GOPC: variants seen among roughly 807,000 people sequenced by gnomAD.
GOPC encodes the protein Golgi-associated PDZ and coiled-coil motif-containing protein.
Under a neutral mutation model 51.2 loss-of-function variants are expected in GOPC, and 32 were observed. The ratio of observed to expected loss-of-function variants is 0.63; its 90% CI spans 0.47 to 0.84. The LOEUF is 0.84. Among genes scored for constraint, GOPC ranks in the 40% least tolerant of loss-of-function variants. The probability of loss-of-function intolerance (pLI) is 0.00; values close to 1 mark genes in which losing one functional copy is unlikely to be tolerated. For missense variants in GOPC, 441 were observed against 555.5 expected, an observed-to-expected ratio of 0.79 and a Z score of 2.07; for synonymous variants, 190 against 205.1, an observed-to-expected ratio of 0.93 and a Z score of 0.63.
intron 1 of GOPC, 136 bp downstream of exon 1, chr6:117,601,868 G>C (rs1772019164): frequency 1.0e-6 from 1 of 978,846 alleles, no homozygotes; most frequent in African/African-American, 1.6e-5. Context: ...TCACTCCTCA[G>C]ACATGCACTC....
chr6:117,585,505 C>T (rs183963417), intron 1 of GOPC, among the ~76,000 whole-genome samples: 3 of 152,236 alleles, frequency 2.0e-5, no homozygotes, highest in East Asian at 3.9e-4. Context: ...TCCAAGCTAA[C>T]AACCTAAAAC....
chr6:117,578,244 G>C (rs1003388774), intron 2 of GOPC, among the ~76,000 whole-genome samples: 8 of 152,246 alleles, frequency 5.3e-5, no homozygotes, highest in African/African-American at 1.7e-4. Context: ...GCCAATAGGA[G>C]ACTGACATGC....
chr6:117,593,893 T>G (rs1304478543), intron 1 of GOPC, among the ~76,000 whole-genome samples: 2 of 152,160 alleles, frequency 1.3e-5, no homozygotes, highest in Non-Finnish European at 1.5e-5. Flanking sequence ...CTCCAGTTTC[T>G]CTTGTTCTGA....
intron 1 of GOPC, among the ~76,000 whole-genome samples, chr6:117,597,086 T>C (rs1780208376): frequency 6.6e-6 from 1 of 152,234 alleles, no homozygotes; most frequent in Admixed American, 6.5e-5. Flanking sequence ...TAGTTTTCTT[T>C]GTATAGGTCT....
At chr6:117,582,016 G>A (rs1053535549) in intron 1 of GOPC, among the ~76,000 whole-genome samples, 1 of 152,024 alleles carries the variant, frequency 6.6e-6, no homozygotes, top group African/African-American at 2.4e-5. Flanking sequence ...ACTTGGCATT[G>A]TCAGTATTTT....
intron 5 of GOPC, among the ~76,000 whole-genome samples, chr6:117,572,312 C>G (rs1330548955): frequency 1.3e-5 from 2 of 152,126 alleles, no homozygotes; most frequent in Non-Finnish European, 2.9e-5. Context: ...ACCAATCAAG[C>G]CCTCCTGATT....
intron 1 of GOPC, among the ~76,000 whole-genome samples, chr6:117,597,412 C>T (rs1292930919): frequency 1.3e-5 from 2 of 152,158 alleles, no homozygotes; most frequent in Non-Finnish European, 2.9e-5. Context: ...GCTAGGACTT[C>T]TAGTACTACA....
intron 5 of GOPC, 96 bp downstream of exon 5, chr6:117,573,371 T>G: frequency 3.0e-6 from 4 of 1,353,722 alleles, no homozygotes; most frequent in East Asian, 4.8e-5. Context: ...AATAAAGGTT[T>G]CAAACAATAC....
chr6:117,571,035 T>C, intron 5 of GOPC, 80 bp from the exon 6 acceptor site: 1 of 587,772 alleles, frequency 1.7e-6, no homozygotes, highest in Non-Finnish European at 3.0e-6. Flanking sequence ...CTATATAACT[T>C]GCTTTTAGAA....
At chr6:117,596,271 G>C (rs1331773537) in intron 1 of GOPC, among the ~76,000 whole-genome samples, 3 of 151,990 alleles carry the variant, frequency 2.0e-5, no homozygotes, top group Admixed American at 2.0e-4. Context: ...TTTGTTTTGA[G>C]TTCCTTGTAG....
At chr6:117,571,941 A>G (rs210639) in intron 5 of GOPC, among the ~76,000 whole-genome samples, 65,700 of 151,790 alleles carry the variant, frequency 0.43, 15,424 homozygotes, top group South Asian at 0.63. Flanking sequence ...CTCCCACTCC[A>G]TAAGTTTCTA....
chr6:117,598,206 AAAAAAT>A (rs1016261090), intron 1 of GOPC, among the ~76,000 whole-genome samples: 8 of 151,520 alleles, frequency 5.3e-5, no homozygotes, highest in African/African-American at 1.7e-4. Context: ...TAAAAAAAAA[AAAAAAT>A]AAAATAGAAA....
chr6:117,568,111 A>T (rs1475518932), intron 7 of GOPC, among the ~76,000 whole-genome samples: 1 of 151,118 alleles, frequency 6.6e-6, no homozygotes, highest in Non-Finnish European at 1.5e-5. Context: ...AGGTCGGAGG[A>T]TCTGTTTGAG....
chr6:117,570,701 A>C (rs893455648), intron 6 of GOPC, among the ~76,000 whole-genome samples, 159 bp downstream of exon 6: 2 of 152,106 alleles, frequency 1.3e-5, no homozygotes, highest in African/African-American at 4.8e-5. Context: ...ATTTCTTAAA[A>C]AAATATTTAC....
chr6:117,564,186 C>T (rs1166878801), intron 8 of GOPC, among the ~76,000 whole-genome samples: 1 of 151,982 alleles, frequency 6.6e-6, no homozygotes, highest in Non-Finnish European at 1.5e-5. Flanking sequence ...CACTATGTTG[C>T]CCAGGTTGGT....
intron 2 of GOPC, among the ~76,000 whole-genome samples, chr6:117,578,072 T>C (rs550890764): frequency 1.3e-5 from 2 of 152,250 alleles, no homozygotes; most frequent in South Asian, 2.1e-4. Flanking sequence ...AAATATCTGC[T>C]ATCTCTTACA....
chr6:117,573,273 T>C (rs771401064), intron 5 of GOPC, among the ~76,000 whole-genome samples, 194 bp downstream of exon 5: 1 of 152,242 alleles, frequency 6.6e-6, no homozygotes, highest in Non-Finnish European at 1.5e-5. Flanking sequence ...TCTCAGGGCA[T>C]TAGTAAGTCT....
rs1000658732 is a variant in GOPC at position 117,560,405 on chromosome 6, A to G, written c.*2849T>C. 1 of 187,290 alleles carries G rather than the reference A, an allele frequency of 5.3e-6. No homozygotes were observed. The highest frequency in any genetic ancestry group is 1.1e-5 in the Non-Finnish European group (1 of 88,500). 11.6% of individuals were successfully genotyped at this position (187,290 alleles called of 1,614,324 possible). ...AGATATAATACATTATCATAAATGC[A>G]ATAGATTTGAGGCCAACCATAAGTG... On this transcript the variant is annotated 3_prime_UTR_variant, in exon 9 of 9. Transcript: ENST00000368498.
At chr6:117,591,183 A>G (rs1449857411) in intron 1 of GOPC, among the ~76,000 whole-genome samples, 2 of 152,214 alleles carry the variant, frequency 1.3e-5, no homozygotes, top group South Asian at 2.1e-4. Context: ...GGGGCCAAAT[A>G]CCAATTCTGT....
Sources: gnomAD v4.1 joint callset for allele counts (sites outside exome capture counted in the v4.1 genomes callset) on GRCh38, gnomAD v4.1.1 for gene constraint, MANE v1.5 for transcripts, NCBI Gene and HGNC (gene_info 2026-07-23, HGNC 2026-07-21) for gene names.